Variants in DAPK2 observed in about 807,000 individuals in gnomAD.
DAPK2 encodes the protein death-associated protein kinase 2.
DAPK2 carries 35 observed loss-of-function variants against 44.1 expected under a neutral mutation model. The ratio of observed to expected loss-of-function variants is 0.79; its 90% CI spans 0.61 to 1.05. DAPK2 has a LOEUF of 1.05. Ranked by LOEUF, DAPK2 falls within the 50% of genes least tolerant of loss-of-function variation. The pLI is 0.00. For missense variants in DAPK2, 453 were observed against 483.2 expected (o/e 0.94, Z 0.59); for synonymous variants, 174 against 182.6 (o/e 0.95, Z 0.38).
chr15:64,038,267 C>A (rs569078940), intron 1 of DAPK2, among the ~76,000 whole-genome samples: 1 of 152,294 alleles, frequency 6.6e-6, no homozygotes, highest in South Asian at 2.1e-4. Flanking sequence ...TCATCTTGCT[C>A]GTCTTTGTAC....
intron 1 of DAPK2, among the ~76,000 whole-genome samples, chr15:64,003,495 C>A (rs796761984): frequency 1.4e-4 from 22 of 152,328 alleles, no homozygotes; most frequent in African/African-American, 4.6e-4. Flanking sequence ...TCTTTGCTGA[C>A]CCATGGTGGC....
At chr15:64,002,491 A>C (rs2079108456) in intron 1 of DAPK2, among the ~76,000 whole-genome samples, 1 of 152,226 alleles carries the variant, frequency 6.6e-6, no homozygotes, top group South Asian at 2.1e-4. Flanking sequence ...ATAGTAAAAA[A>C]TATTTCATAA....
chr15:63,930,596 G>C (rs934715287), intron 4 of DAPK2, 141 bp from the exon 6 acceptor site: 47 of 756,700 alleles, frequency 6.2e-5, no homozygotes, highest in Non-Finnish European at 8.7e-5. Flanking sequence ...AAGGTGATCT[G>C]CATCTAAGAT....
chr15:64,010,121 C>T (rs1445518244), intron 1 of DAPK2, among the ~76,000 whole-genome samples: 1 of 152,100 alleles, frequency 6.6e-6, no homozygotes, highest in Non-Finnish European at 1.5e-5. Context: ...CATCTGGGAA[C>T]CTGTCAGAAA....
At chr15:64,012,696 T>C (rs1405372831) in intron 1 of DAPK2, among the ~76,000 whole-genome samples, 1 of 152,236 alleles carries the variant, frequency 6.6e-6, no homozygotes, top group African/African-American at 2.4e-5. Context: ...AAATATAGAC[T>C]ATGCATATGT....
intron 1 of DAPK2, among the ~76,000 whole-genome samples, chr15:64,005,689 C>T (rs1330156866): frequency 1.3e-5 from 2 of 151,982 alleles, no homozygotes; most frequent in Non-Finnish European, 2.9e-5. Context: ...AAGAAGTAAA[C>T]ACAAAGACTA....
chr15:63,968,432 G>A (rs1015438889), intron 3 of DAPK2, among the ~76,000 whole-genome samples: 7 of 152,238 alleles, frequency 4.6e-5, no homozygotes, highest in East Asian at 1.9e-4. Flanking sequence ...GGTTAGCCCC[G>A]GAGCCTCACC....
chr15:63,971,300 T>G (rs1367096808), intron 3 of DAPK2, 123 bp downstream of exon 4: 2 of 1,225,312 alleles, frequency 1.6e-6, no homozygotes, highest in African/African-American at 1.5e-5. Flanking sequence ...GAGCTCAGGG[T>G]TTTTCACTGT....
chr15:63,949,988 G>A (rs2077545936), intron 3 of DAPK2, among the ~76,000 whole-genome samples: 1 of 152,158 alleles, frequency 6.6e-6, no homozygotes, highest in Non-Finnish European at 1.5e-5. Context: ...CTTCCATGCT[G>A]TGACTGCTGA....
chr15:64,016,616 G>T (rs1026628442), intron 1 of DAPK2, among the ~76,000 whole-genome samples: 1 of 152,130 alleles, frequency 6.6e-6, no homozygotes, highest in Non-Finnish European at 1.5e-5. Context: ...CAAGTAGCAA[G>T]ACCCTGTCTC....
At chr15:63,992,015 T>G (rs9972509) in intron 1 of DAPK2, among the ~76,000 whole-genome samples, 47,212 of 151,938 alleles carry the variant, frequency 0.31, 8,625 homozygotes, top group Non-Finnish European at 0.42. Flanking sequence ...TAGACATTTT[T>G]TTGTTGTTGT....
intron 1 of DAPK2, among the ~76,000 whole-genome samples, chr15:64,034,638 A>G (rs1001910206): frequency 8.3e-6 from 1 of 120,332 alleles, no homozygotes; most frequent in Non-Finnish European, 1.8e-5. Flanking sequence ...GTAGATTTAA[A>G]TAAGTTCTTA....
intron 1 of DAPK2, among the ~76,000 whole-genome samples, chr15:63,985,735 G>A (rs1055542908): frequency 2.6e-5 from 4 of 152,192 alleles, no homozygotes; most frequent in African/African-American, 9.7e-5. Context: ...CTTGTGAAAC[G>A]GCAGAAGGGC....
intron 4 of DAPK2, among the ~76,000 whole-genome samples, chr15:63,932,164 TTAAAAAAA>T (rs1342369271): frequency 2.8e-5 from 3 of 107,536 alleles, no homozygotes; most frequent in Non-Finnish European, 5.4e-5. Flanking sequence ...GAGACCCTGT[TTAAAAAAA>T]AAAAAAAAAA....
chr15:64,008,296 A>T (rs1010629397), intron 1 of DAPK2, among the ~76,000 whole-genome samples: 1 of 152,188 alleles, frequency 6.6e-6, no homozygotes, highest in African/African-American at 2.4e-5. Context: ...TTCTTTATGA[A>T]GCACTTTTCA....
At chr15:64,034,926 G>A (rs1257953210) in intron 1 of DAPK2, among the ~76,000 whole-genome samples, 3 of 152,252 alleles carry the variant, frequency 2.0e-5, no homozygotes, top group East Asian at 1.9e-4. Context: ...CCAGCACTTC[G>A]GGAGGCCGAG....
chr15:63,932,848 T>C (rs1356037577), intron 4 of DAPK2, among the ~76,000 whole-genome samples: 2 of 152,338 alleles, frequency 1.3e-5, no homozygotes, highest in South Asian at 2.1e-4. Context: ...AGTCACTTTA[T>C]TTTTTCACTG....
intron 8 of DAPK2, chr15:63,920,131 G>C (rs375521700): frequency 6.6e-6 from 1 of 152,132 alleles, no homozygotes; most frequent in Non-Finnish European, 1.5e-5. Flanking sequence ...CTGTTGGCCC[G>C]GACAGAAGGC....
At chr15:63,922,573 T>G (rs1254256900) in intron 8 of DAPK2, 22 of 1,410,874 alleles carry the variant, frequency 1.6e-5, no homozygotes, top group Non-Finnish European at 2.0e-5. Context: ...GAATGAAGAA[T>G]TAACTGGCAC....
Sources: gnomAD v4.1 joint callset for allele counts (sites outside exome capture counted in the v4.1 genomes callset) on GRCh38, gnomAD v4.1.1 for gene constraint, MANE v1.5 for transcripts, NCBI Gene and HGNC (gene_info 2026-07-23, HGNC 2026-07-21) for gene names.